The following TRAPPC9 variants were observed in gnomAD, a reference collection of about 807,000 sequenced individuals.
The protein encoded by TRAPPC9 is trafficking protein particle complex subunit 9.
A neutral mutation model predicts 124.0 loss-of-function variants in TRAPPC9; 83 were observed. The ratio of observed to expected loss-of-function variants is 0.67; its 90% confidence interval spans 0.56 to 0.80. TRAPPC9 has a LOEUF of 0.80. TRAPPC9 is among the 30% of genes least tolerant of loss of function. The probability of loss-of-function intolerance (pLI) is 0.00; values close to 1 mark genes in which losing one functional copy is unlikely to be tolerated. For synonymous variants in TRAPPC9, 638 were observed against 617.5 expected, an observed-to-expected ratio of 1.03 and a Z score of -0.49; for missense variants, 1,302 against 1,508.3, an observed-to-expected ratio of 0.86 and a Z score of 2.27.
At chr8:140,130,495 C>T (rs568336968) in intron 17 of TRAPPC9, among the ~76,000 whole-genome samples, 4 of 151,998 alleles carry the variant, frequency 2.6e-5, no homozygotes, top group Non-Finnish European at 5.9e-5. Flanking sequence ...GGGCATCCTC[C>T]GAAATAACTG....
At chr8:140,262,855 G>A (rs1379084643) in intron 15 of TRAPPC9, 3 of 152,230 alleles carry the variant, frequency 2.0e-5, no homozygotes, top group Admixed American at 1.3e-4. Context: ...CGGTAGAAGT[G>A]GCATAATTAA....
chr8:139,755,064 G>A (rs1356297740), intron 21 of TRAPPC9, among the ~76,000 whole-genome samples: 5 of 152,238 alleles, frequency 3.3e-5, no homozygotes, highest in East Asian at 3.8e-4. Flanking sequence ...GATGGCCCTC[G>A]GCCAGCCTTG....
intron 17 of TRAPPC9, among the ~76,000 whole-genome samples, chr8:140,060,543 C>T (rs1842541108): frequency 6.6e-6 from 1 of 152,154 alleles, no homozygotes; most frequent in Non-Finnish European, 1.5e-5. Flanking sequence ...ATTCCCCATC[C>T]CTACCCATCC....
intron 17 of TRAPPC9, among the ~76,000 whole-genome samples, chr8:140,202,345 G>A (rs1326461360): frequency 6.6e-6 from 1 of 152,026 alleles, no homozygotes; most frequent in Non-Finnish European, 1.5e-5. Context: ...ACAGAAAAGG[G>A]AAATAAAACC....
At chr8:140,179,867 A>G (rs2062157389) in intron 17 of TRAPPC9, among the ~76,000 whole-genome samples, 1 of 152,028 alleles carries the variant, frequency 6.6e-6, no homozygotes. Context: ...GTCTTATATT[A>G]ATAAAGTTGT....
chr8:139,863,495 C>A (rs915332879), intron 21 of TRAPPC9, among the ~76,000 whole-genome samples: 2 of 152,220 alleles, frequency 1.3e-5, no homozygotes, highest in African/African-American at 4.8e-5. Flanking sequence ...GTGGTGAAAT[C>A]CAGAGCGTGG....
intron 9 of TRAPPC9, among the ~76,000 whole-genome samples, chr8:140,357,405 G>A (rs1427307280): frequency 6.6e-6 from 1 of 152,104 alleles, no homozygotes; most frequent in Non-Finnish European, 1.5e-5. Context: ...CCAACCGTGG[G>A]GACTGTGCTT....
Position 139,847,131 on chromosome 8 carries a change from C to T in TRAPPC9, c.3055+38748G>A, listed in dbSNP as rs546528229. Among the ~76,000 whole-genome samples the T allele has an allele frequency of 2.6e-5, 4 of 152,292 alleles. No individual in the cohort carries two copies. In the East Asian group the frequency reaches 5.8e-4, roughly 22 times the overall value. ...CTCTGACAACAGGGAAGGAAGAAGG[C>T]GCAAGACCATAAGAAGCAGATCAGA... On this transcript the variant is annotated intron_variant, in intron 21 of 22. Transcript: ENST00000438773.
At chr8:139,985,113 G>A (rs1837165080) in intron 19 of TRAPPC9, among the ~76,000 whole-genome samples, 1 of 152,158 alleles carries the variant, frequency 6.6e-6, no homozygotes, top group South Asian at 2.1e-4. Flanking sequence ...GAATATTCGA[G>A]TTAGAAGCAT....
At chr8:140,356,782 G>T (rs761974862) in intron 9 of TRAPPC9, among the ~76,000 whole-genome samples, 37 of 151,412 alleles carry the variant, frequency 2.4e-4, no homozygotes, top group Admixed American at 5.2e-4. Flanking sequence ...GTTAATCTTT[G>T]TATTTTTAGT....
chr8:140,172,198 A>G (rs906090039), intron 17 of TRAPPC9, among the ~76,000 whole-genome samples: 6 of 152,186 alleles, frequency 3.9e-5, no homozygotes, highest in Non-Finnish European at 5.9e-5. Flanking sequence ...GCACCTGTGG[A>G]GCACAGCAAC....
intron 15 of TRAPPC9, among the ~76,000 whole-genome samples, chr8:140,275,216 G>T (rs1302576556): frequency 4.6e-5 from 7 of 152,162 alleles, no homozygotes; most frequent in Non-Finnish European, 5.9e-5. Context: ...CTAGTAAATG[G>T]TGAAGTCCAA....
intron 21 of TRAPPC9, among the ~76,000 whole-genome samples, chr8:139,792,468 G>C (rs1325650458): frequency 6.6e-6 from 1 of 152,184 alleles, no homozygotes; most frequent in Non-Finnish European, 1.5e-5. Flanking sequence ...GCTGTGGGGC[G>C]CTTACATACA....
chr8:140,294,405 C>A (rs1442842465), intron 11 of TRAPPC9, among the ~76,000 whole-genome samples: 2 of 152,072 alleles, frequency 1.3e-5, no homozygotes, highest in African/African-American at 4.8e-5. Context: ...TGAAGAAGGT[C>A]ACTCTCTTTA....
intron 17 of TRAPPC9, among the ~76,000 whole-genome samples, chr8:140,198,671 T>C (rs931962417): frequency 1.3e-5 from 2 of 152,170 alleles, no homozygotes; most frequent in African/African-American, 4.8e-5. Context: ...AATTACTCTT[T>C]CTCTATTGCA....
intron 21 of TRAPPC9, among the ~76,000 whole-genome samples, chr8:139,750,034 G>A (rs1038331701): frequency 1.3e-5 from 2 of 152,014 alleles, no homozygotes; most frequent in South Asian, 2.1e-4. Context: ...ATCCAAGACC[G>A]GGTGAGGAGT....
At chr8:140,060,189 T>C (rs1278997308) in intron 17 of TRAPPC9, among the ~76,000 whole-genome samples, 1 of 152,214 alleles carries the variant, frequency 6.6e-6, no homozygotes, top group Non-Finnish European at 1.5e-5. Context: ...CAGAGTAGCC[T>C]TCACCCTGGG....
At chr8:139,774,931 CCAGGAACAAGAACCTGAG>C (rs1471952464) in intron 21 of TRAPPC9, among the ~76,000 whole-genome samples, 3 of 152,178 alleles carry the variant, frequency 2.0e-5, no homozygotes, top group African/African-American at 7.2e-5. Context: ...TCTTCAAGTC[CCAGGAACAAGAACCTGAG>C]CAGAACGCCC....
intron 17 of TRAPPC9, among the ~76,000 whole-genome samples, chr8:140,129,128 G>C (rs1414430292): frequency 6.6e-6 from 1 of 151,944 alleles, no homozygotes; most frequent in Non-Finnish European, 1.5e-5. Flanking sequence ...CACCTCTAAA[G>C]CATATGCTAA....
Sources: allele counts gnomAD v4.1 joint callset (sites outside exome capture counted in the v4.1 genomes callset), GRCh38; gene constraint gnomAD v4.1.1; transcripts MANE v1.5; gene names NCBI Gene and HGNC (gene_info 2026-07-23, HGNC 2026-07-21).